The following PRIM2 variants were observed in gnomAD, a reference collection of about 807,000 sequenced individuals.
The protein encoded by PRIM2 is DNA primase large subunit.
In PRIM2, 39 loss-of-function variants were observed where a neutral mutation model predicts 67.3. The ratio of observed to expected loss-of-function variants is 0.58; its 90% CI spans 0.45 to 0.76. The LOEUF (loss-of-function observed/expected upper bound fraction) is 0.76, where lower values mean the gene tolerates loss of function less well. Among genes scored for constraint, PRIM2 ranks in the 30% least tolerant of loss-of-function variants. PRIM2 has a pLI of 0.00. For missense variants in PRIM2, 398 were observed against 598.7 expected (o/e 0.66, Z 3.50); for synonymous variants, 143 against 198.7 (o/e 0.72, Z 2.36).
intron 7 of PRIM2, among the ~76,000 whole-genome samples, chr6:57,488,597 C>T (rs1436580564): frequency 6.6e-6 from 1 of 152,138 alleles, no homozygotes; most frequent in African/African-American, 2.4e-5. Flanking sequence ...GGGAGGAGTC[C>T]CACTGTGTGG....
At chr6:57,445,630 T>C (rs9464492) in intron 7 of PRIM2, among the ~76,000 whole-genome samples, 4 of 152,160 alleles carry the variant, frequency 2.6e-5, no homozygotes, top group African/African-American at 4.8e-5. Context: ...TGCTGATTCC[T>C]GAATACTGGA....
chr6:57,563,716 A>C (rs1775683604), intron 10 of PRIM2, among the ~76,000 whole-genome samples: 1 of 152,200 alleles, frequency 6.6e-6, no homozygotes, highest in South Asian at 2.1e-4. Flanking sequence ...ATCTTCGCTC[A>C]CTGCAACCTC....
At chr6:57,306,211 A>C in the PRIM2 span, among the ~76,000 whole-genome samples, 687 of 152,272 alleles carry the variant, frequency 4.5e-3, 8 homozygotes, top group African/African-American at 0.016. Context: ...ATTAAACCCC[A>C]TATGGTTCCT....
chr6:57,534,055 C>CTT (rs1774947464), intron 9 of PRIM2, among the ~76,000 whole-genome samples: 1 of 152,170 alleles, frequency 6.6e-6, no homozygotes, highest in Non-Finnish European at 1.5e-5. Context: ...TTGCATATCC[C>CTT]TTGGTATTTG....
chr6:57,428,612 T>C (rs2127377427), intron 7 of PRIM2, among the ~76,000 whole-genome samples: 1 of 152,300 alleles, frequency 6.6e-6, no homozygotes, highest in Non-Finnish European at 1.5e-5. Flanking sequence ...AACCTGATAA[T>C]ATAATTGTTC....
At chr6:57,569,925 G>A (rs1437146737) in intron 10 of PRIM2, among the ~76,000 whole-genome samples, 1 of 151,828 alleles carries the variant, frequency 6.6e-6, no homozygotes, top group Admixed American at 6.6e-5. Context: ...TGTATTTTTA[G>A]TAGAGACAGG....
intron 12 of PRIM2, among the ~76,000 whole-genome samples, chr6:57,614,031 G>A (rs1776710360): frequency 6.6e-6 from 1 of 152,014 alleles, no homozygotes; most frequent in African/African-American, 2.4e-5. Context: ...TTATATCAGA[G>A]GTCCCCAACC....
intron 7 of PRIM2, among the ~76,000 whole-genome samples, chr6:57,470,349 T>C (rs1773306290): frequency 6.8e-6 from 1 of 146,822 alleles, no homozygotes; most frequent in Non-Finnish European, 1.5e-5. Context: ...CACCACAAAT[T>C]AGTTGGCTTG....
chr6:57,376,322 A>G (rs1363077123), intron 5 of PRIM2, among the ~76,000 whole-genome samples: 1 of 152,138 alleles, frequency 6.6e-6, no homozygotes, highest in African/African-American at 2.4e-5. Context: ...CCATTTGTAT[A>G]TTTTAACCAT....
chr6:57,643,444 T>C (rs1777281005), intron 13 of PRIM2, among the ~76,000 whole-genome samples: 1 of 152,228 alleles, frequency 6.6e-6, no homozygotes, highest in Admixed American at 6.5e-5. Context: ...TTCTATGACC[T>C]TGAATAAACC....
At chr6:57,443,999 C>T (rs2127386660) in intron 7 of PRIM2, among the ~76,000 whole-genome samples, 1 of 152,230 alleles carries the variant, frequency 6.6e-6, no homozygotes, top group African/African-American at 2.4e-5. Flanking sequence ...CCAGTTTTCC[C>T]AGCACCATTT....
intron 8 of PRIM2, among the ~76,000 whole-genome samples, chr6:57,509,361 A>AT (rs1554347504): frequency 0.33 from 49,689 of 151,938 alleles, 8,119 homozygotes; most frequent in East Asian, 0.45. Context: ...CTCAGAAATT[A>AT]TTTTTGAGTC....
chr6:57,337,974 GA>G (rs1289641853), intron 5 of PRIM2, among the ~76,000 whole-genome samples: 3 of 135,944 alleles, frequency 2.2e-5, no homozygotes, highest in African/African-American at 3.7e-5. Flanking sequence ...GACTAATAAA[GA>G]AAAAAAGAGA....
chr6:57,235,831 G>A, the PRIM2 span, among the ~76,000 whole-genome samples: 1 of 152,162 alleles, frequency 6.6e-6, no homozygotes, highest in African/African-American at 2.4e-5. Flanking sequence ...GGGTGGAGAA[G>A]AGAGAGAGAT....
chr6:57,508,655 T>C (rs1774297722), intron 8 of PRIM2, among the ~76,000 whole-genome samples: 1 of 152,196 alleles, frequency 6.6e-6, no homozygotes, highest in Admixed American at 6.5e-5. Flanking sequence ...AAGACTGCCA[T>C]GTAACTATAC....
At position 57,482,676 on chromosome 6, in the gene PRIM2, A is replaced by G. The variant is rs1773659938; in HGVS notation, c.694-24711A>G. On this transcript the variant is annotated intron_variant, in intron 7 of 13. Transcript: ENST00000615550. ...AAGATTGAAGATGCGTGTGAGGGCA[A>G]ATTATCTCAAAGCTACAGAGCAAAG... 3.9e-5 allele frequency among the ~76,000 whole-genome samples: 6 copies of G among 152,334 alleles called. No homozygotes were observed. In the South Asian group the frequency reaches 1.2e-3, roughly 32 times the overall value.
intron 7 of PRIM2, chr6:57,505,169 C>T (rs1433967072): frequency 2.6e-5 from 4 of 152,212 alleles, no homozygotes; most frequent in African/African-American, 9.6e-5. Context: ...ATATCCTTAA[C>T]ATGAAGAGAT....
chr6:57,399,308 G>C (rs1581864122), intron 7 of PRIM2, among the ~76,000 whole-genome samples: 3 of 152,094 alleles, frequency 2.0e-5, no homozygotes, highest in African/African-American at 7.2e-5. Context: ...TTCTGGCCTT[G>C]CGATAGTTTG....
chr6:57,636,926 C>T (rs1309060727), intron 13 of PRIM2, among the ~76,000 whole-genome samples: 2 of 152,210 alleles, frequency 1.3e-5, no homozygotes, highest in Non-Finnish European at 2.9e-5. Flanking sequence ...ACTGCCTCCT[C>T]AAGTGGGTCC....
Sources: allele counts gnomAD v4.1 joint callset (sites outside exome capture counted in the v4.1 genomes callset), GRCh38; gene constraint gnomAD v4.1.1; transcripts MANE v1.5; gene names NCBI Gene and HGNC (gene_info 2026-07-23, HGNC 2026-07-21).